Variants in SPTLC2 observed in about 807,000 individuals in gnomAD.
The protein encoded by SPTLC2 is serine palmitoyltransferase 2.
Under a neutral mutation model 62.0 loss-of-function variants are expected in SPTLC2, and 21 were observed. The observed-to-expected ratio is 0.34, with a 90% CI of 0.24 to 0.49. The LOEUF (loss-of-function observed/expected upper bound fraction) is 0.49. SPTLC2 is among the 20% of genes least tolerant of loss of function. The pLI, the probability that SPTLC2 is intolerant of heterozygous loss-of-function variation, is 0.99. For missense variants in SPTLC2, 511 were observed against 713.0 expected (o/e 0.72, Z 3.23); for synonymous variants, 261 against 261.8 (o/e 1.00, Z 0.03).
chr14:77,595,287 C>T (rs2079840457), intron 2 of SPTLC2, among the ~76,000 whole-genome samples: 1 of 152,004 alleles, frequency 6.6e-6, no homozygotes, highest in Admixed American at 6.6e-5. Flanking sequence ...ATTGCTTGGA[C>T]CCGGGAGGCG....
At chr14:77,549,612 A>T (rs1159830936) in intron 9 of SPTLC2, among the ~76,000 whole-genome samples, 2 of 152,180 alleles carry the variant, frequency 1.3e-5, no homozygotes. Flanking sequence ...CCAGCCCCAG[A>T]CAACAGAGCA....
chr14:77,614,267 T>G (rs1595023667), intron 1 of SPTLC2, among the ~76,000 whole-genome samples: 1 of 152,228 alleles, frequency 6.6e-6, no homozygotes, highest in Non-Finnish European at 1.5e-5. Flanking sequence ...GTCCTTGATT[T>G]CCTACTAAAT....
Position 77,508,798 on chromosome 14 carries a change from GA to G in SPTLC2, c.*3485del, listed in dbSNP as rs2079318417. 6.6e-6 allele frequency: 1 copy of G among 152,094 alleles called. No individual in the cohort carries two copies. The highest frequency in any genetic ancestry group is 1.5e-5 in the Non-Finnish European group (1 of 68,008). The allele number at this position is 152,094 out of a possible 1,614,324, so 9.4% of individuals were successfully genotyped here. A position where few individuals can be genotyped will look rare whatever the true frequency, so the allele number is the denominator to read the frequency against. On this transcript the variant is annotated 3_prime_UTR_variant, in exon 12 of 12. Coordinates refer to ENST00000216484, the MANE Select transcript of SPTLC2 (RefSeq NM_004863.4). ...AAAGGAGCTAGCTTAAGCCCCTAAT[GA>G]AAAGCCTCCTCCTGAAATGTAAGGC...
At position 77,510,988 on chromosome 14, in the gene SPTLC2, T is replaced by G. The variant is rs1160238588; in HGVS notation, c.*1296A>C. ...TATAAAGCTCTCTGAAAGAAGTCCC[T>G]TTACCTGGTTATAGTATGAAAACAG... On this transcript the variant is annotated 3_prime_UTR_variant, in exon 12 of 12. Transcript: ENST00000216484. 2.6e-5 allele frequency: 4 copies of G among 152,592 alleles called. No individual in the cohort carries two copies. Among genetic ancestry groups the G allele is most frequent in the African/African-American group, 9.7e-5 (4 of 41,448 alleles). The allele number at this position is 152,592 out of a possible 1,614,324, so 9.5% of individuals were successfully genotyped here. A position where few individuals can be genotyped will look rare whatever the true frequency, so the allele number is the denominator to read the frequency against.
intron 9 of SPTLC2, among the ~76,000 whole-genome samples, chr14:77,530,304 C>T (rs1201923419): frequency 7.8e-6 from 1 of 127,652 alleles, no homozygotes; most frequent in Non-Finnish European, 1.7e-5. Flanking sequence ...ATTTAAACCA[C>T]AGGATCTTTT....
chr14:77,591,730 G>GTATGTATGTATGTATGTATGTATT (rs372095112), intron 2 of SPTLC2, among the ~76,000 whole-genome samples: 67 of 131,268 alleles, frequency 5.1e-4, no homozygotes, highest in East Asian at 2.7e-3. Context: ...ATGTATGTAT[G>GTATGTATGTATGTATGTATGTATT]TATTTATTTT....
At chr14:77,603,205 G>C (rs1381670187) in intron 1 of SPTLC2, among the ~76,000 whole-genome samples, 1 of 152,168 alleles carries the variant, frequency 6.6e-6, no homozygotes, top group African/African-American at 2.4e-5. Context: ...GCACATTCCA[G>C]CTGCATGCTA....
chr14:77,560,249 A>G (rs1460219650), intron 6 of SPTLC2, among the ~76,000 whole-genome samples: 1 of 152,192 alleles, frequency 6.6e-6, no homozygotes, highest in Non-Finnish European at 1.5e-5. Flanking sequence ...TCACAACAGC[A>G]AAGACATAGG....
chr14:77,531,438 CT>C, intron 9 of SPTLC2, among the ~76,000 whole-genome samples: 1 of 140,774 alleles, frequency 7.1e-6, no homozygotes, highest in Non-Finnish European at 1.5e-5. Context: ...TCTTCTTCTT[CT>C]TCTTCTCCTC....
chr14:77,584,261 G>C (rs2079769122), intron 2 of SPTLC2, among the ~76,000 whole-genome samples: 1 of 152,146 alleles, frequency 6.6e-6, no homozygotes, highest in Admixed American at 6.6e-5. Flanking sequence ...GGCAAAGCTG[G>C]ATGCTATCAC....
At chr14:77,610,653 T>A (rs144026991) in intron 1 of SPTLC2, among the ~76,000 whole-genome samples, 1 of 152,058 alleles carries the variant, frequency 6.6e-6, no homozygotes, top group African/African-American at 2.4e-5. Context: ...CATATTTCAC[T>A]GTACTTAGAA....
At chr14:77,569,571 C>G (rs111486447) in intron 5 of SPTLC2, among the ~76,000 whole-genome samples, 1 of 151,630 alleles carries the variant, frequency 6.6e-6, no homozygotes, top group African/African-American at 2.4e-5. Context: ...AACCAAAAAA[C>G]AAAAACTCAA....
intron 9 of SPTLC2, among the ~76,000 whole-genome samples, chr14:77,524,164 A>C (rs988360203): frequency 6.6e-6 from 1 of 152,244 alleles, no homozygotes; most frequent in Non-Finnish European, 1.5e-5. Context: ...GAAATAAGCC[A>C]GACATGAGAC....
chr14:77,596,458 G>A (rs1471632123), intron 2 of SPTLC2, among the ~76,000 whole-genome samples: 1 of 152,136 alleles, frequency 6.6e-6, no homozygotes, highest in Non-Finnish European at 1.5e-5. Flanking sequence ...AGCCGAGATC[G>A]CACCACTGCA....
chr14:77,514,612 G>C (rs776320136), intron 11 of SPTLC2, among the ~76,000 whole-genome samples: 6 of 152,152 alleles, frequency 3.9e-5, no homozygotes, highest in Admixed American at 6.5e-5. Context: ...CAATATCCTT[G>C]CGCTTCCCAT....
intron 9 of SPTLC2, chr14:77,547,670 A>G (rs1298302586): frequency 1.3e-5 from 2 of 152,106 alleles, no homozygotes; most frequent in African/African-American, 2.4e-5. Context: ...TTCGTTTCCA[A>G]CCTGGGCCAA....
chr14:77,520,097 TAC>T (rs1286314915), intron 10 of SPTLC2, among the ~76,000 whole-genome samples: 3 of 152,048 alleles, frequency 2.0e-5, no homozygotes, highest in Non-Finnish European at 4.4e-5. Flanking sequence ...AATTAAAGTG[TAC>T]ACAGTCAGTT....
At chr14:77,579,149 TAC>T in intron 2 of SPTLC2, 40 bp from the exon 3 acceptor site, 1 of 1,608,058 alleles carries the variant, frequency 6.2e-7, no homozygotes, top group South Asian at 1.1e-5. Context: ...TTAACTGAGT[TAC>T]TTTATTAAAA....
chr14:77,615,220 G>GT (rs1346408306), intron 1 of SPTLC2, among the ~76,000 whole-genome samples: 1 of 152,200 alleles, frequency 6.6e-6, no homozygotes, highest in African/African-American at 2.4e-5. Flanking sequence ...TTTGATCTGT[G>GT]TATTACTTCG....
Sources: allele counts gnomAD v4.1 joint callset (sites outside exome capture counted in the v4.1 genomes callset), GRCh38; gene constraint gnomAD v4.1.1; transcripts MANE v1.5; gene names NCBI Gene and HGNC (gene_info 2026-07-23, HGNC 2026-07-21).